ZNF428: variants seen among roughly 807,000 people sequenced by gnomAD.
The protein encoded by ZNF428 is zinc finger protein 428.
Under a neutral mutation model 15.6 loss-of-function variants are expected in ZNF428, and 5 were observed. That is an observed-to-expected ratio of 0.32 (90% CI 0.17 to 0.67). The LOEUF (loss-of-function observed/expected upper bound fraction) is 0.67. Ranked by LOEUF, ZNF428 falls within the 30% of genes least tolerant of loss-of-function variation. The pLI, the probability that ZNF428 is intolerant of heterozygous loss-of-function variation, is 0.73. For missense variants in ZNF428, 237 were observed against 256.0 expected (o/e 0.93, Z 0.51); for synonymous variants, 97 against 102.2 (o/e 0.95, Z 0.31).
chr19:43,614,595 T>G, intron 1 of ZNF428, 161 bp from the exon 2 acceptor site: 3 of 444,036 alleles, frequency 6.8e-6, no homozygotes, highest in East Asian at 4.8e-5. Flanking sequence ...GCCCTGCCCC[T>G]CTCTAGGTCT....
chr19:43,612,739 G>T lies in ZNF428; in HGVS notation c.76+1490C>A, dbSNP rs768428535. 1.1e-5 allele frequency: 17 copies of T among 1,551,656 alleles called. No homozygotes were observed. In the South Asian group the frequency reaches 1.8e-4, roughly 16 times the overall value. ...CACCAGGAGGCTCAGGTATAGGGAGGAGTTCCGAGCTGGCTGTAACTCCCA... is the reference window on the plus strand; with the variant it reads ...CACCAGGAGGCTCAGGTATAGGGAGTAGTTCCGAGCTGGCTGTAACTCCCA... On this transcript the variant is annotated intron_variant, in intron 2 of 2. Coordinates refer to ENST00000300811, the MANE Select transcript of ZNF428 (RefSeq NM_182498.4). The surrounding 1 kb of genome is among the most constrained non-coding windows in gnomAD (Gnocchi z 4.2).
rs13343696 is a variant in ZNF428, at chr19:43,612,804, A to G, written c.76+1425T>C. The stretch of plus-strand genomic sequence containing the variant: ...CAAACCCCGACTGGAATTCCCTCCA[A>G]GGAGAAGAGTGACAACCCATCTCCA... On this transcript the variant is annotated intron_variant, in intron 2 of 2. Transcript: ENST00000300811. This position sits in a 1 kb window ranked among gnomAD's most constrained non-coding sequence, Gnocchi z 4.2. 0.26 allele frequency: 396,191 copies of G among 1,551,378 alleles called. 51,603 individuals are homozygous for G. Among genetic ancestry groups the G allele is most frequent in the South Asian group, 0.28 (23,143 of 84,054 alleles).
At chr19:43,613,807 C>A in intron 2 of ZNF428, 1 of 1,549,230 alleles carries the variant, frequency 6.5e-7, no homozygotes, top group Middle Eastern at 1.7e-4. Context: ...AATCCAGAAG[C>A]CCCAGCAAAG....
In ZNF428 at chr19:43,609,365, A is replaced by AGAGAGAGAGAGAAAGAGC. The variant is rs1327946187; in HGVS notation, c.77-1259_77-1258insGCTCTTTCTCTCTCTCTC. ...CTTTTATATCTGTGGCCATGGAGAG[A>AGAGAGAGAGAGAAAGAGC]GAGAGAGAGAGAGTTAGGTGAATTA... is the stretch of plus-strand genomic sequence containing the variant. On this transcript the variant is annotated intron_variant, in intron 2 of 2. Transcript: ENST00000300811. 1.3e-4 allele frequency among the ~76,000 whole-genome samples: 19 copies of AGAGAGAGAGAGAAAGAGC among 151,804 alleles called. No homozygotes were observed. The South Asian group carries it at 3.7e-3, about 30-fold the overall frequency.
chr19:43,611,721 G>GTCTC (rs1973299232), intron 2 of ZNF428, among the ~76,000 whole-genome samples: 2 of 152,194 alleles, frequency 1.3e-5, no homozygotes, highest in Non-Finnish European at 2.9e-5. Context: ...AGCGGTCAGT[G>GTCTC]TCTCTCTCGT....
At chr19:43,614,112 A>G (rs752354487) in intron 2 of ZNF428, 117 bp downstream of exon 2, 1 of 1,594,558 alleles carries the variant, frequency 6.3e-7, no homozygotes, top group Admixed American at 1.8e-5. Flanking sequence ...AGTCTCAGTC[A>G]GAATAGAACC....
At chr19:43,613,708 G>C in intron 2 of ZNF428, 1 of 1,551,442 alleles carries the variant, frequency 6.4e-7, no homozygotes, top group African/African-American at 1.4e-5. Flanking sequence ...GCCCCAGCAA[G>C]GAGAGACAGC....
chr19:43,609,393 A>G (rs1973272921), intron 2 of ZNF428, among the ~76,000 whole-genome samples: 1 of 151,598 alleles, frequency 6.6e-6, no homozygotes, highest in Non-Finnish European at 1.5e-5. Flanking sequence ...GTGAATTAAA[A>G]CATTTATTTA....
Position 43,614,324 on chromosome 19 carries a change from A to T in ZNF428, c.-20T>A. On this transcript the variant is annotated 5_prime_UTR_variant, in exon 2 of 3. Coordinates refer to ENST00000300811, the MANE Select transcript of ZNF428 (RefSeq NM_182498.4). ...TGTCATGACCGGGGGAGGGGACAGG[A>T]GACAGGAGCAGAGCAGCAGCTGAGC... is the stretch of plus-strand genomic sequence containing the variant. The T allele has an allele frequency of 6.3e-7, 1 of 1,586,354 alleles. No homozygotes were observed. Among genetic ancestry groups the T allele is most frequent in the Non-Finnish European group, 8.6e-7 (1 of 1,166,662 alleles).
intron 1 of ZNF428, among the ~76,000 whole-genome samples, chr19:43,616,172 T>TTA (rs2052862209): frequency 6.6e-6 from 1 of 152,024 alleles, no homozygotes; most frequent in South Asian, 2.1e-4. Context: ...ACCAATATAT[T>TTA]TATATATATA....
intron 2 of ZNF428, among the ~76,000 whole-genome samples, chr19:43,608,872 G>A (rs1466603562): frequency 6.8e-6 from 1 of 147,852 alleles, no homozygotes; most frequent in Non-Finnish European, 1.5e-5. Flanking sequence ...AGGTTGCAGT[G>A]AGCCGAGATC....
chr19:43,613,805 A>G (rs1298949106), intron 2 of ZNF428: 4 of 1,549,374 alleles, frequency 2.6e-6, no homozygotes, highest in South Asian at 1.2e-5. Context: ...ACAATCCAGA[A>G]GCCCCAGCAA....
At position 43,614,245 on chromosome 19, in the gene ZNF428, A is replaced by T. The variant is rs749035884; in HGVS notation, c.60T>A (p.Asp20Glu). 2 of 1,614,134 alleles carry T rather than the reference A, an allele frequency of 1.2e-6. No homozygotes were observed. Among genetic ancestry groups the T allele is most frequent in the East Asian group, 4.5e-5 (2 of 44,880 alleles). The change falls in exon 2 of 3, where the codon GAT (aspartate) becomes GAA (glutamate). Residue 20 changes from aspartate to glutamate, a missense_variant. By Grantham distance (45) the Asp-to-Glu change is conservative. Coordinates refer to ENST00000300811, the MANE Select transcript of ZNF428 (RefSeq NM_182498.4). Reference sequence around the variant, plus strand: ...CCACCTTACCTGGGGAAAGGTCTTCATCATCTTCTTCCAAGCTGGCGTAGC... The same window carrying T: ...CCACCTTACCTGGGGAAAGGTCTTCTTCATCTTCTTCCAAGCTGGCGTAGC... The part of the protein sequence containing the change: ...TGGYASLEED[D>E]EDLSPGPEHS...
chr19:43,613,073 A>G, intron 2 of ZNF428: 3 of 1,551,590 alleles, frequency 1.9e-6, no homozygotes, highest in Non-Finnish European at 2.6e-6. Flanking sequence ...AAGAAGTCGC[A>G]CCCGGAAGGG....
At position 43,607,575 on chromosome 19, in the gene ZNF428, C is replaced by A; in HGVS notation, c.*42G>T. 6.5e-7 allele frequency: 1 copy of A among 1,536,034 alleles called. No homozygotes were observed. The highest frequency in any genetic ancestry group is 1.3e-5 in the South Asian group (1 of 79,418). Reference sequence around the variant, plus strand: ...CCCAATTTCCTCAGCCCCCTCCTCCCACCCCACCCCTTCTGCCAAGCTCCC... The same window carrying A: ...CCCAATTTCCTCAGCCCCCTCCTCCAACCCCACCCCTTCTGCCAAGCTCCC... On this transcript the variant is annotated 3_prime_UTR_variant, in exon 3 of 3. Transcript: ENST00000300811. The surrounding 1 kb of genome is among the most constrained non-coding windows in gnomAD (Gnocchi z 5.1).
At chr19:43,617,924 C>T (rs193282252) in intron 1 of ZNF428, among the ~76,000 whole-genome samples, 11 of 151,874 alleles carry the variant, frequency 7.2e-5, no homozygotes, top group Admixed American at 7.2e-4. Flanking sequence ...CGCAGTAGCG[C>T]GATCTCGGCT....
rs534236087 is a variant in ZNF428, at chr19:43,616,875, G to A, written c.-130-2441C>T. ...TGCCCAGGCTGGAGTACAGTAGCGC[G>A]ATCTCAGCTCACTGCAACCTCTACC... On this transcript the variant is annotated intron_variant, in intron 1 of 2. Coordinates refer to ENST00000300811, the MANE Select transcript of ZNF428 (RefSeq NM_182498.4). 4.7e-5 allele frequency among the ~76,000 whole-genome samples: 7 copies of A among 149,190 alleles called. No individual in the cohort carries two copies. In the South Asian group the frequency reaches 1.5e-3, roughly 32 times the overall value.
At chr19:43,619,112 A>G (rs559163292) in intron 1 of ZNF428, among the ~76,000 whole-genome samples, 37 of 152,304 alleles carry the variant, frequency 2.4e-4, no homozygotes, top group African/African-American at 8.4e-4. Context: ...TCGAGCAAAG[A>G]GACCAGGGCA....
At chr19:43,616,052 C>T (rs1188565904) in intron 1 of ZNF428, among the ~76,000 whole-genome samples, 1 of 152,152 alleles carries the variant, frequency 6.6e-6, no homozygotes, top group Non-Finnish European at 1.5e-5. Context: ...AGGAGGAGGT[C>T]AGAGAGATTC....
Sources: gnomAD v4.1 joint callset for allele counts (sites outside exome capture counted in the v4.1 genomes callset) on GRCh38, gnomAD v4.1.1 for gene constraint, Gnocchi (gnomAD v3.1) non-coding constraint, MANE v1.5 for transcripts, NCBI Gene and HGNC (gene_info 2026-07-23, HGNC 2026-07-21) for gene names.